Variants in CLIC5 observed in about 807,000 individuals in gnomAD.
CLIC5 encodes CLIC family member 5, also known as chloride intracellular channel protein 5.
Under a neutral mutation model 24.7 loss-of-function variants are expected in CLIC5, and 20 were observed. The observed-to-expected ratio is 0.81, with a 90% CI of 0.57 to 1.18. The LOEUF (loss-of-function observed/expected upper bound fraction) is 1.18, where lower values mean the gene tolerates loss of function less well. CLIC5 is among the 50% of genes most tolerant of loss of function. CLIC5 has a pLI of 0.00. For missense variants in CLIC5, 341 were observed against 326.1 expected (o/e 1.05, Z -0.35); for synonymous variants, 159 against 135.6 (o/e 1.17, Z -1.20).
At position 45,950,010 on chromosome 6, in the gene CLIC5, C is replaced by G. The variant is rs186567128; in HGVS notation, c.174-629G>C. Among the ~76,000 whole-genome samples, 147 of 152,234 alleles carry G rather than the reference C, an allele frequency of 9.7e-4. 1 individual carries two copies. The highest frequency in any genetic ancestry group is 2.7e-3 in the African/African-American group (113 of 41,516). Reference sequence around the variant, plus strand: ...GTCTTTGGGTAGCCAGGAAAATAAACAAACTATTAGATTGAAAACAAAACT... The same window carrying G: ...GTCTTTGGGTAGCCAGGAAAATAAAGAAACTATTAGATTGAAAACAAAACT... On this transcript the variant is annotated intron_variant, in intron 2 of 5. Transcript: ENST00000339561.
In CLIC5 at chr6:45,919,549, T is replaced by C. The variant is rs1465517490; in HGVS notation, c.407-5140A>G. 3.8e-4 allele frequency among the ~76,000 whole-genome samples: 58 copies of C among 151,902 alleles called. 1 individual carries two copies. Reference sequence around the variant, plus strand: ...CTCCCCTGTGCTAGGAAGGGTGGGCTTTTCTTTTAGTTTTCCCAGGTCAAA... The same window carrying C: ...CTCCCCTGTGCTAGGAAGGGTGGGCCTTTCTTTTAGTTTTCCCAGGTCAAA... On this transcript the variant is annotated intron_variant, in intron 4 of 5. Coordinates refer to ENST00000339561, the MANE Select transcript of CLIC5 (RefSeq NM_016929.5).
chr6:46,008,602 A>C (rs544943243), intron 1 of CLIC5, among the ~76,000 whole-genome samples: 70 of 152,122 alleles, frequency 4.6e-4, no homozygotes, highest in African/African-American at 1.6e-3. Flanking sequence ...CTCTGTAAGC[A>C]TTTTCATATA....
chr6:46,123,688 T>C, the CLIC5 span, among the ~76,000 whole-genome samples: 2 of 152,072 alleles, frequency 1.3e-5, no homozygotes, highest in African/African-American at 4.8e-5. Context: ...AAAACCCCAT[T>C]GTCTCAGCCC....
intron 1 of CLIC5, among the ~76,000 whole-genome samples, chr6:45,999,008 T>C (rs894081476): frequency 6.6e-6 from 1 of 152,174 alleles, no homozygotes; most frequent in Non-Finnish European, 1.5e-5. Context: ...CAGAGGACAT[T>C]TGCTGACCTC....
chr6:46,053,091 A>G (rs1008151524), intron 1 of CLIC5, among the ~76,000 whole-genome samples: 2 of 152,214 alleles, frequency 1.3e-5, no homozygotes, highest in Admixed American at 6.5e-5. Flanking sequence ...AAATAAAAAT[A>G]TGAGAGAAAT....
chr6:45,956,504 A>C (rs1374315145), intron 1 of CLIC5, among the ~76,000 whole-genome samples: 1 of 151,708 alleles, frequency 6.6e-6, no homozygotes, highest in East Asian at 1.9e-4. Flanking sequence ...GAAAGGGAGA[A>C]AACAAATGCG....
Position 45,922,826 on chromosome 6 carries a change from A to AGAGAGAGAGAGAGG in CLIC5, c.407-8418_407-8417insCCTCTCTCTCTCTC, listed in dbSNP as rs1763321267. On this transcript the variant is annotated intron_variant, in intron 4 of 5. Coordinates refer to ENST00000339561, the MANE Select transcript of CLIC5 (RefSeq NM_016929.5). ...GGGAGGAAGAGAGAGAGAGAGAAAG[A>AGAGAGAGAGAGAGG]GAGAGAGATAGAGAGAGAGAGAGAG... 3.4e-5 allele frequency among the ~76,000 whole-genome samples: 5 copies of AGAGAGAGAGAGAGG among 146,282 alleles called. No individual in the cohort carries two copies. In the South Asian group the frequency reaches 1.1e-3, roughly 32 times the overall value.
At chr6:45,930,290 G>A (rs1460714074) in intron 4 of CLIC5, among the ~76,000 whole-genome samples, 2 of 152,154 alleles carry the variant, frequency 1.3e-5, no homozygotes, top group Non-Finnish European at 1.5e-5. Context: ...TTTAGGTCAA[G>A]GAAGTTCGTA....
chr6:46,047,150 C>A (rs969044436), intron 1 of CLIC5, among the ~76,000 whole-genome samples: 7 of 152,192 alleles, frequency 4.6e-5, no homozygotes, highest in African/African-American at 1.4e-4. Context: ...CTTCCACTAG[C>A]CTCAGATGGT....
In CLIC5 at chr6:46,032,532, G is replaced by A. The variant is rs144693547; in HGVS notation, c.540+47171C>T. 3.3e-3 allele frequency among the ~76,000 whole-genome samples: 509 copies of A among 152,274 alleles called. 3 individuals carry two copies. Among genetic ancestry groups the A allele is most frequent in the African/African-American group, 0.011 (476 of 41,540 alleles). On this transcript the variant is annotated intron_variant, in intron 1 of 5. Coordinates refer to the CLIC5 transcript ENST00000185206. ...AGTTCTAATTAAGTGTTGGGGAAAG[G>A]CCAAGGCATGCCAGCATGCTGGACT...
At chr6:46,125,211 A>T in the CLIC5 span, among the ~76,000 whole-genome samples, 1 of 152,226 alleles carries the variant, frequency 6.6e-6, no homozygotes, top group Non-Finnish European at 1.5e-5. Flanking sequence ...GATTAAGAAA[A>T]TGTGGCACAT....
chr6:45,965,260 C>T (rs970622386), intron 1 of CLIC5, among the ~76,000 whole-genome samples: 1 of 152,126 alleles, frequency 6.6e-6, no homozygotes, highest in Non-Finnish European at 1.5e-5. Context: ...ACTATTGGTA[C>T]AATGATAGAT....
upstream of CLIC5, among the ~76,000 whole-genome samples, chr6:46,084,601 C>T (rs997666372): frequency 1.3e-5 from 2 of 152,144 alleles, no homozygotes; most frequent in Non-Finnish European, 2.9e-5. Context: ...GAATATTGGC[C>T]CCCACTCTCT....
intron 1 of CLIC5, among the ~76,000 whole-genome samples, chr6:46,029,797 A>G (rs1003159844): frequency 3.0e-4 from 45 of 152,194 alleles, no homozygotes; most frequent in African/African-American, 1.1e-3. Flanking sequence ...TTTCTGGGGA[A>G]GGAAAGTTTA....
At chr6:45,886,733 G>A (rs779019754) in intron 6 of CLIC5, among the ~76,000 whole-genome samples, 12 of 152,146 alleles carry the variant, frequency 7.9e-5, no homozygotes, top group South Asian at 6.2e-4. Context: ...GAGCTCAAAG[G>A]CTTCTGGGGT....
chr6:46,042,631 T>C (rs1369570215), intron 1 of CLIC5, among the ~76,000 whole-genome samples: 2 of 152,028 alleles, frequency 1.3e-5, no homozygotes, highest in African/African-American at 4.8e-5. Context: ...GCCCTCTCAA[T>C]GAGACAATGA....
intron 1 of CLIC5, among the ~76,000 whole-genome samples, chr6:46,021,479 A>AT (rs992946627): frequency 2.6e-5 from 4 of 151,814 alleles, no homozygotes; most frequent in African/African-American, 7.3e-5. Context: ...TGGTACATAA[A>AT]TTTTTTTTTA....
rs937746183 is a variant in CLIC5, at chr6:45,920,734, G to A, written c.407-6325C>T. The A allele has an allele frequency of 2.4e-5, 20 of 849,124 alleles. 1 individual carries two copies. The South Asian group carries it at 9.2e-4, about 39-fold the overall frequency. 52.6% of individuals were successfully genotyped at this position (849,124 alleles called of 1,614,324 possible). On this transcript the variant is annotated intron_variant, in intron 4 of 5. Coordinates refer to ENST00000339561, the MANE Select transcript of CLIC5 (RefSeq NM_016929.5). ...CACTGAGAGAGATCAGATGGACTAG[G>A]CCAAAGATCCAGGAGCAAGCGGGAT...
At chr6:45,909,071 G>A (rs1005930636) in intron 5 of CLIC5, among the ~76,000 whole-genome samples, 4 of 149,640 alleles carry the variant, frequency 2.7e-5, no homozygotes, top group South Asian at 2.1e-4. Context: ...GTTGGTTTGT[G>A]GTATGTTTTA....
Sources: gnomAD v4.1 joint callset for allele counts (sites outside exome capture counted in the v4.1 genomes callset) on GRCh38, gnomAD v4.1.1 for gene constraint, MANE v1.5 for transcripts, NCBI Gene and HGNC (gene_info 2026-07-23, HGNC 2026-07-21) for gene names.